Variants in MELK observed in about 807,000 individuals in gnomAD.
MELK encodes the protein pEg3 kinase.
In MELK, 81 loss-of-function variants were observed where a neutral mutation model predicts 85.0. That is an observed-to-expected ratio of 0.95 (90% confidence interval 0.80 to 1.15). The LOEUF (loss-of-function observed/expected upper bound fraction) is 1.15. MELK is among the 50% of genes most tolerant of loss of function. The probability of loss-of-function intolerance (pLI) is 0.00; values close to 1 mark genes in which losing one functional copy is unlikely to be tolerated. For missense variants in MELK, 754 were observed against 777.5 expected (o/e 0.97, Z 0.36); for synonymous variants, 252 against 265.0 (o/e 0.95, Z 0.48).
At chr9:36,630,167 A>T in intron 8 of MELK, 132 bp from the exon 9 acceptor site, 1 of 720,512 alleles carries the variant, frequency 1.4e-6, no homozygotes, top group Non-Finnish European at 2.4e-6. Flanking sequence ...TTTTTTAGTT[A>T]ATAATGTTTA....
chr9:36,594,610 A>C lies in MELK; in HGVS notation c.262-18A>C, dbSNP rs769241967. ...TTTTTAAGTTGTAACAATATCTGTGATTCCATTGCTGTTGAAGTACTGCCC... is the reference window on the plus strand; with the variant it reads ...TTTTTAAGTTGTAACAATATCTGTGCTTCCATTGCTGTTGAAGTACTGCCC... On this transcript the variant is annotated intron_variant, in intron 4 of 17. Coordinates refer to ENST00000298048, the MANE Select transcript of MELK (RefSeq NM_014791.4). 6.2e-7 allele frequency: 1 copy of C among 1,604,122 alleles called. No individual in the cohort carries two copies. Among genetic ancestry groups the C allele is most frequent in the East Asian group, 2.2e-5 (1 of 44,804 alleles).
At chr9:36,659,040 C>A (rs950129218) in intron 13 of MELK, among the ~76,000 whole-genome samples, 1 of 152,102 alleles carries the variant, frequency 6.6e-6, no homozygotes, top group African/African-American at 2.4e-5. Flanking sequence ...CGCCACCACG[C>A]CTGGCTAATT....
chr9:36,659,421 AG>A (rs1482226059), intron 13 of MELK, among the ~76,000 whole-genome samples: 1 of 152,188 alleles, frequency 6.6e-6, no homozygotes, highest in African/African-American at 2.4e-5. Context: ...TCCCCTCCTC[AG>A]GATTTGATAT....
intron 8 of MELK, among the ~76,000 whole-genome samples, chr9:36,624,064 A>G (rs184322276): frequency 2.0e-5 from 3 of 150,952 alleles, no homozygotes; most frequent in Non-Finnish European, 3.0e-5. Flanking sequence ...TCTATGCAGT[A>G]GGTATCGTTA....
At chr9:36,655,078 T>G (rs1396693105) in intron 12 of MELK, among the ~76,000 whole-genome samples, 1 of 152,186 alleles carries the variant, frequency 6.6e-6, no homozygotes, top group Non-Finnish European at 1.5e-5. Context: ...GAATCACAAA[T>G]AACCACGTCA....
At chr9:36,579,354 G>A (rs948116679) in intron 1 of MELK, among the ~76,000 whole-genome samples, 4 of 152,270 alleles carry the variant, frequency 2.6e-5, no homozygotes, top group East Asian at 1.9e-4. Flanking sequence ...AGTAGAGACC[G>A]GGTTTTACTA....
intron 4 of MELK, among the ~76,000 whole-genome samples, chr9:36,589,926 T>TTG (rs796991025): frequency 2.7e-5 from 4 of 149,780 alleles, no homozygotes; most frequent in African/African-American, 9.9e-5. Flanking sequence ...TCTAGTTTTT[T>TTG]TTTTTTTTTT....
At chr9:36,598,186 G>GT (rs76258907) in intron 6 of MELK, among the ~76,000 whole-genome samples, 3,946 of 135,816 alleles carry the variant, frequency 0.029, 56 homozygotes, top group Non-Finnish European at 0.032. Context: ...TAGAAGGCAG[G>GT]TTTTTTTTTT....
At chr9:36,633,000 AGTT>A (rs1828791238) in intron 9 of MELK, 99 bp from the exon 10 acceptor site, 1 of 795,804 alleles carries the variant, frequency 1.3e-6, no homozygotes, top group African/African-American at 1.8e-5. Flanking sequence ...GTGATGATAA[AGTT>A]TACATCTGTT....
intron 8 of MELK, among the ~76,000 whole-genome samples, chr9:36,625,586 G>A (rs1827848635): frequency 1.3e-5 from 2 of 152,186 alleles, no homozygotes; most frequent in Non-Finnish European, 1.5e-5. Flanking sequence ...ATGAAGCGTG[G>A]TAGGGGAGAA....
intron 8 of MELK, among the ~76,000 whole-genome samples, chr9:36,625,172 A>G (rs1265835533): frequency 2.0e-5 from 3 of 152,154 alleles, no homozygotes; most frequent in Admixed American, 6.5e-5. Context: ...TGAAGCTGAT[A>G]GAGGACACTC....
intron 8 of MELK, among the ~76,000 whole-genome samples, chr9:36,610,283 T>C (rs1825955522): frequency 6.6e-6 from 1 of 152,346 alleles, no homozygotes; most frequent in Middle Eastern, 3.4e-3. Flanking sequence ...CTAAGGACAC[T>C]GAGTTCAATC....
chr9:36,581,594 G>A, intron 1 of MELK, 50 bp from the exon 2 acceptor site: 1 of 909,926 alleles, frequency 1.1e-6, no homozygotes, highest in Non-Finnish European at 1.8e-6. Flanking sequence ...GAATGGAGGA[G>A]ATGATCCGGT....
chr9:36,643,169 G>T, intron 11 of MELK, 86 bp downstream of exon 11: 1 of 1,121,466 alleles, frequency 8.9e-7, no homozygotes, highest in Non-Finnish European at 1.3e-6. Context: ...GATCACTTGA[G>T]GTCAGGAGTT....
chr9:36,644,409 T>A (rs929846603), intron 11 of MELK, among the ~76,000 whole-genome samples: 41 of 152,288 alleles, frequency 2.7e-4, no homozygotes, highest in South Asian at 6.2e-4. Context: ...GCAATTTTTT[T>A]AAAAAATTAA....
At chr9:36,595,327 A>C (rs1320999397) in intron 5 of MELK, among the ~76,000 whole-genome samples, 1 of 151,868 alleles carries the variant, frequency 6.6e-6, no homozygotes, top group Non-Finnish European at 1.5e-5. Flanking sequence ...TAGTAGAAAC[A>C]GGGTTTCACT....
intron 2 of MELK, among the ~76,000 whole-genome samples, chr9:36,582,445 T>G (rs1319577466): frequency 1.3e-5 from 2 of 151,938 alleles, no homozygotes; most frequent in African/African-American, 4.8e-5. Context: ...ATAATTCAGG[T>G]GTTGATGCTA....
At chr9:36,630,975 T>TA (rs1390937839) in intron 9 of MELK, among the ~76,000 whole-genome samples, 135 of 146,284 alleles carry the variant, frequency 9.2e-4, no homozygotes, top group African/African-American at 3.2e-3. Flanking sequence ...TTTTTTTTTT[T>TA]TTTATTTAGA....
chr9:36,667,461 C>T (rs959657720), intron 14 of MELK, among the ~76,000 whole-genome samples: 1 of 152,116 alleles, frequency 6.6e-6, no homozygotes, highest in African/African-American at 2.4e-5. Flanking sequence ...CGGCCCAGGG[C>T]TTTTTTATTT....
Sources: allele counts gnomAD v4.1 joint callset (sites outside exome capture counted in the v4.1 genomes callset), GRCh38; gene constraint gnomAD v4.1.1; transcripts MANE v1.5; gene names NCBI Gene and HGNC (gene_info 2026-07-23, HGNC 2026-07-21).